The following IFIH1 variants were observed in gnomAD, a reference collection of about 807,000 sequenced individuals.
IFIH1 encodes the protein interferon induced with helicase C domain 1, also known as interferon-induced helicase C domain-containing protein 1.
IFIH1 carries 125 observed loss-of-function variants against 107.4 expected under a neutral mutation model. The observed-to-expected ratio is 1.16, with a 90% confidence interval of 1.01 to 1.35. IFIH1 has a LOEUF of 1.35. Among genes scored for constraint, IFIH1 ranks in the 40% most tolerant of loss-of-function variants. The pLI, the probability that IFIH1 is intolerant of heterozygous loss-of-function variation, is 0.00. For missense variants in IFIH1, 1,333 were observed against 1,213.7 expected (o/e 1.10, Z -1.46); for synonymous variants, 458 against 413.2 (o/e 1.11, Z -1.31).
intron 1 of IFIH1, among the ~76,000 whole-genome samples, chr2:162,313,165 C>T (rs905126298): frequency 6.6e-6 from 1 of 152,276 alleles, no homozygotes; most frequent in Non-Finnish European, 1.5e-5. Flanking sequence ...AAGAAATCTT[C>T]TCAGTTTTGG....
In IFIH1 at chr2:162,276,870, G is replaced by A; in HGVS notation, c.2121C>T (p.Thr707=). 2.5e-6 allele frequency: 4 copies of A among 1,612,160 alleles called. No individual in the cohort carries two copies. The highest frequency in any genetic ancestry group is 1.1e-5 in the South Asian group (1 of 90,814). Residue 707 remains threonine, a synonymous_variant, in exon 11 of 16, where the codon ACC becomes ACT. Coordinates refer to ENST00000649979, the MANE Select transcript of IFIH1 (RefSeq NM_022168.4). ...CAGTCCTAGTATATTGCTCCATTAT[G>A]GTATTTCTTAATTTGGTCAGCTTTT... The part of the protein sequence containing the change: ...ENEKLTKLRN[T]IMEQYTRTEE...
Position 162,288,032 on chromosome 2 carries a change from TTAAAC to T in IFIH1, c.1095+98_1095+102del, listed in dbSNP as rs141134657. On this transcript the variant is annotated intron_variant, in intron 5 of 15. Transcript: ENST00000649979. ...GAGCTTATTTTGACATTACTCTTAA[TTAAAC>T]TAAACATGTGTGAGTCAATGACACA... The T allele has an allele frequency of 0.034, 24,329 of 722,634 alleles. 1,980 individuals carry two copies. Among genetic ancestry groups the T allele is most frequent in the Admixed American group, 0.26 (10,453 of 39,794 alleles). 44.8% of individuals were successfully genotyped at this position (722,634 alleles called of 1,614,324 possible).
At chr2:162,269,875 G>T (rs1691001127) in intron 13 of IFIH1, among the ~76,000 whole-genome samples, 1 of 152,082 alleles carries the variant, frequency 6.6e-6, no homozygotes, top group South Asian at 2.1e-4. Context: ...CAAGTACCAA[G>T]ATTAATTTCC....
At chr2:162,312,973 C>T (rs1311621484) in intron 1 of IFIH1, among the ~76,000 whole-genome samples, 1 of 152,136 alleles carries the variant, frequency 6.6e-6, no homozygotes, top group Non-Finnish European at 1.5e-5. Flanking sequence ...TTTCTTCAAC[C>T]ACTATTCTAT....
intron 3 of IFIH1, among the ~76,000 whole-genome samples, chr2:162,299,992 T>C (rs1036171564): frequency 3.9e-5 from 6 of 152,174 alleles, no homozygotes; most frequent in Non-Finnish European, 7.3e-5. Flanking sequence ...AAATATCTGA[T>C]ATTCCTCATC....
intron 8 of IFIH1, among the ~76,000 whole-genome samples, chr2:162,279,048 G>GT (rs1173683569): frequency 6.6e-6 from 1 of 151,926 alleles, no homozygotes; most frequent in Non-Finnish European, 1.5e-5. Flanking sequence ...ATTAAAGTAA[G>GT]TTTAAAAAAT....
Position 162,315,259 on chromosome 2 carries a change from C to T in IFIH1, c.453+2596G>A, listed in dbSNP as rs112711974. 5.9e-5 allele frequency among the ~76,000 whole-genome samples: 9 copies of T among 152,308 alleles called. 1 individual carries two copies. The highest frequency in any genetic ancestry group is 1.9e-4 in the African/African-American group (8 of 41,564). On this transcript the variant is annotated intron_variant, in intron 1 of 15. Transcript: ENST00000649979. ...AATTCAATACGTCATGTGTTTTCAA[C>T]GCTTATTCCAGACACTTTCAGAAAT...
intron 7 of IFIH1, 87 bp downstream of exon 7, chr2:162,281,241 G>T: frequency 1.0e-6 from 1 of 983,338 alleles, no homozygotes; most frequent in Non-Finnish European, 1.5e-6. Flanking sequence ...CACAGCACTT[G>T]AACTCAATCT....
intron 7 of IFIH1, 122 bp downstream of exon 7, chr2:162,281,206 A>G (rs1682800886): frequency 1.4e-6 from 1 of 691,548 alleles, no homozygotes; most frequent in South Asian, 1.9e-5. Flanking sequence ...GTACTAAAGC[A>G]AACAGATTTC....
chr2:162,285,921 A>G (rs761222347), intron 5 of IFIH1, among the ~76,000 whole-genome samples: 2 of 152,026 alleles, frequency 1.3e-5, no homozygotes, highest in African/African-American at 4.8e-5. Flanking sequence ...GAGATTTTCA[A>G]ATAAAAAGGA....
At chr2:162,275,085 A>G (rs1032692838) in intron 11 of IFIH1, among the ~76,000 whole-genome samples, 4 of 152,202 alleles carry the variant, frequency 2.6e-5, no homozygotes, top group Non-Finnish European at 5.9e-5. Flanking sequence ...TTTAATAACA[A>G]AAATTCCAGA....
At chr2:162,301,671 C>A (rs1457033797) in intron 3 of IFIH1, among the ~76,000 whole-genome samples, 1 of 152,096 alleles carries the variant, frequency 6.6e-6, no homozygotes, top group Non-Finnish European at 1.5e-5. Context: ...TTTAACTGTT[C>A]GCTTTTAGAA....
chr2:162,291,589 GAATAT>G (rs1166295998), intron 4 of IFIH1, among the ~76,000 whole-genome samples: 1 of 151,660 alleles, frequency 6.6e-6, no homozygotes, highest in Non-Finnish European at 1.5e-5. Flanking sequence ...TTCCACAAAG[GAATAT>G]AATATGATTG....
chr2:162,295,213 A>T (rs1209255233), intron 3 of IFIH1, among the ~76,000 whole-genome samples: 1 of 152,010 alleles, frequency 6.6e-6, no homozygotes, highest in South Asian at 2.1e-4. Flanking sequence ...TCTGTTCCAC[A>T]TCAGACAACC....
chr2:162,281,643 C>A, intron 6 of IFIH1, 98 bp from the exon 7 acceptor site: 1 of 797,226 alleles, frequency 1.3e-6, no homozygotes, highest in Admixed American at 2.4e-5. Flanking sequence ...GGGATGCCTT[C>A]TCTTGGGCAC....
chr2:162,268,416 A>G (rs1401466749), intron 13 of IFIH1, 139 bp from the exon 14 acceptor site: 3 of 569,662 alleles, frequency 5.3e-6, no homozygotes, highest in Non-Finnish European at 9.2e-6. Context: ...AAAAATAATG[A>G]GGTAATGACC....
At chr2:162,291,601 A>T (rs1236864866) in intron 4 of IFIH1, among the ~76,000 whole-genome samples, 1 of 151,736 alleles carries the variant, frequency 6.6e-6, no homozygotes, top group Non-Finnish European at 1.5e-5. Flanking sequence ...ATATAATATG[A>T]TTGTTTTGGG....
chr2:162,290,825 G>T (rs540451167), intron 4 of IFIH1, among the ~76,000 whole-genome samples: 1 of 151,936 alleles, frequency 6.6e-6, no homozygotes, highest in South Asian at 2.1e-4. Context: ...AATAAAAGCT[G>T]GGTGAGTGCT....
At chr2:162,308,720 A>G (rs1228776255) in intron 2 of IFIH1, among the ~76,000 whole-genome samples, 1 of 152,168 alleles carries the variant, frequency 6.6e-6, no homozygotes, top group African/African-American at 2.4e-5. Flanking sequence ...CACTGTCTCC[A>G]GATAGAGTCA....
Sources: gnomAD v4.1 joint callset for allele counts (sites outside exome capture counted in the v4.1 genomes callset) on GRCh38, gnomAD v4.1.1 for gene constraint, MANE v1.5 for transcripts, NCBI Gene and HGNC (gene_info 2026-07-23, HGNC 2026-07-21) for gene names.